Variants in IMMP2L observed in about 807,000 individuals in gnomAD.
The protein encoded by IMMP2L is mitochondrial inner membrane protease subunit 2.
In IMMP2L, 18 loss-of-function variants were observed where a neutral mutation model predicts 19.3. The ratio of observed to expected loss-of-function variants is 0.93; its 90% confidence interval spans 0.64 to 1.38. IMMP2L has a LOEUF of 1.38. IMMP2L is among the 40% of genes most tolerant of loss of function. The pLI, the probability that IMMP2L is intolerant of heterozygous loss-of-function variation, is 0.00. For synonymous variants in IMMP2L, 76 were observed against 73.0 expected, an observed-to-expected ratio of 1.04 and a Z score of -0.21; for missense variants, 233 against 218.2, an observed-to-expected ratio of 1.07 and a Z score of -0.43.
chr7:111,367,367 A>G (rs1420081088), intron 3 of IMMP2L, among the ~76,000 whole-genome samples: 1 of 151,900 alleles, frequency 6.6e-6, no homozygotes, highest in African/African-American at 2.4e-5. Context: ...ACAATCATTA[A>G]TTTGTTTTTA....
At chr7:111,201,047 C>T (rs1009489164) in intron 3 of IMMP2L, among the ~76,000 whole-genome samples, 3 of 152,134 alleles carry the variant, frequency 2.0e-5, no homozygotes, top group African/African-American at 7.2e-5. Context: ...AGATCCTACT[C>T]ATACAATCCT....
At chr7:110,832,300 T>C (rs972670339) in intron 5 of IMMP2L, among the ~76,000 whole-genome samples, 1 of 152,018 alleles carries the variant, frequency 6.6e-6, no homozygotes, top group Non-Finnish European at 1.5e-5. Flanking sequence ...CCCTACTCTG[T>C]CATTCTGATT....
chr7:111,333,383 G>T (rs1290930817), intron 3 of IMMP2L, among the ~76,000 whole-genome samples: 1 of 152,000 alleles, frequency 6.6e-6, no homozygotes, highest in African/African-American at 2.4e-5. Context: ...ATAGCATTTG[G>T]GTTGGGGATT....
intron 3 of IMMP2L, among the ~76,000 whole-genome samples, chr7:111,129,832 G>A (rs903505613): frequency 6.6e-6 from 1 of 151,970 alleles, no homozygotes; most frequent in Non-Finnish European, 1.5e-5. Context: ...GGAGCAAAGT[G>A]CAAAATCAGA....
At chr7:110,701,053 T>C (rs1794252257) in intron 5 of IMMP2L, among the ~76,000 whole-genome samples, 1 of 152,214 alleles carries the variant, frequency 6.6e-6, no homozygotes, top group South Asian at 2.1e-4. Context: ...GAATCTGTTT[T>C]GTTTTATGAC....
intron 3 of IMMP2L, among the ~76,000 whole-genome samples, chr7:111,040,526 G>T (rs1791792356): frequency 6.6e-6 from 1 of 151,446 alleles, no homozygotes; most frequent in South Asian, 2.1e-4. Context: ...TCTAACATTT[G>T]ATTGTATATC....
At chr7:111,446,784 A>C (rs1383150732) in intron 3 of IMMP2L, among the ~76,000 whole-genome samples, 1 of 152,180 alleles carries the variant, frequency 6.6e-6, no homozygotes, top group Non-Finnish European at 1.5e-5. Flanking sequence ...ATTCAAAGCA[A>C]AGGCAAAGAA....
intron 4 of IMMP2L, among the ~76,000 whole-genome samples, chr7:110,926,734 C>T (rs1814899344): frequency 6.6e-6 from 1 of 152,084 alleles, no homozygotes; most frequent in African/African-American, 2.4e-5. Flanking sequence ...GTGCTAGCAC[C>T]TAGAAATGCT....
At chr7:110,923,688 C>T (rs913109931) in intron 4 of IMMP2L, among the ~76,000 whole-genome samples, 3 of 151,924 alleles carry the variant, frequency 2.0e-5, no homozygotes, top group African/African-American at 7.2e-5. Context: ...ATATTTTGGT[C>T]ACAGCTCATT....
At chr7:110,882,287 G>GCCTTCCTTCCTTACTTCCTT (rs1554445649) in intron 5 of IMMP2L, among the ~76,000 whole-genome samples, 8 of 122,068 alleles carry the variant, frequency 6.6e-5, no homozygotes, top group African/African-American at 2.3e-4. Flanking sequence ...TTTGTCAAGT[G>GCCTTCCTTCCTTACTTCCTT]CCTTCCTTCC....
chr7:111,280,428 C>T (rs1157558964), intron 3 of IMMP2L, among the ~76,000 whole-genome samples: 2 of 152,168 alleles, frequency 1.3e-5, no homozygotes, highest in African/African-American at 4.8e-5. Context: ...AAGCCCTTAT[C>T]ACAGTGTGAG....
At chr7:111,290,064 G>A (rs969386331) in intron 3 of IMMP2L, among the ~76,000 whole-genome samples, 11 of 152,042 alleles carry the variant, frequency 7.2e-5, no homozygotes, top group Admixed American at 2.0e-4. Context: ...CTTATTATCT[G>A]GTAGTGTCTT....
chr7:111,233,883 T>C (rs530194545), intron 3 of IMMP2L, among the ~76,000 whole-genome samples: 1 of 152,152 alleles, frequency 6.6e-6, no homozygotes, highest in African/African-American at 2.4e-5. Context: ...AATTATAGAA[T>C]ATAATTTTTA....
intron 3 of IMMP2L, among the ~76,000 whole-genome samples, chr7:111,355,595 A>ATTCT (rs1828615959): frequency 1.3e-5 from 2 of 151,878 alleles, no homozygotes; most frequent in South Asian, 4.1e-4. Context: ...AAAACAGAAA[A>ATTCT]ACAATAAAAA....
intron 3 of IMMP2L, among the ~76,000 whole-genome samples, chr7:111,431,639 G>A (rs1453507073): frequency 2.0e-5 from 3 of 151,856 alleles, no homozygotes; most frequent in Non-Finnish European, 4.4e-5. Flanking sequence ...CCACAAAAAT[G>A]TGGTAGAAAT....
intron 5 of IMMP2L, among the ~76,000 whole-genome samples, chr7:110,795,894 T>A (rs914293677): frequency 6.6e-6 from 1 of 152,002 alleles, no homozygotes; most frequent in Non-Finnish European, 1.5e-5. Flanking sequence ...CAGAGATAGG[T>A]GGTGATATGG....
intron 5 of IMMP2L, among the ~76,000 whole-genome samples, chr7:110,766,315 G>A (rs946557700): frequency 6.6e-6 from 1 of 152,078 alleles, no homozygotes; most frequent in African/African-American, 2.4e-5. Flanking sequence ...ATGTGGCCGG[G>A]CGCAGTGGCT....
In IMMP2L at chr7:111,487,243, T is replaced by A. The variant is rs201012120; in HGVS notation, c.234A>T (p.Ser78=). ...NFEVHRGDIV[S]LVSPKNPEQK... ...TATGCTTCTGAGTTACTTACACCAA[T>A]GATACAATGTCACCACGGTGTACTT... The change falls in exon 3 of 6, where the codon TCA becomes TCT. Residue 78 remains serine, a synonymous_variant. Transcript: ENST00000405709. 2.0e-6 allele frequency: 3 copies of A among 1,487,754 alleles called. No individual in the cohort carries two copies. The South Asian group carries it at 3.4e-5, about 17-fold the overall frequency. The allele number at this position is 1,487,754 out of a possible 1,614,324, so 92.2% of individuals were successfully genotyped here. A position where few individuals can be genotyped will look rare whatever the true frequency, so the allele number is the denominator to read the frequency against.
intron 3 of IMMP2L, among the ~76,000 whole-genome samples, chr7:111,485,555 G>A (rs150914941): frequency 0.021 from 2,365 of 112,626 alleles, 94 homozygotes; most frequent in African/African-American, 0.076. Context: ...CCGAGATCCC[G>A]CCACTGCACT....
Sources: allele counts gnomAD v4.1 joint callset (sites outside exome capture counted in the v4.1 genomes callset), GRCh38; gene constraint gnomAD v4.1.1; transcripts MANE v1.5; gene names NCBI Gene and HGNC (gene_info 2026-07-23, HGNC 2026-07-21).